Variants in CALCOCO1 observed in about 807,000 individuals in gnomAD.
CALCOCO1 encodes calcium-binding and coiled-coil domain-containing protein 1.
In CALCOCO1, 44 loss-of-function variants were observed where a neutral mutation model predicts 86.3. That is an observed-to-expected ratio of 0.51 (90% CI 0.40 to 0.66). CALCOCO1 has a LOEUF of 0.66. Ranked by LOEUF, CALCOCO1 falls within the 30% of genes least tolerant of loss-of-function variation. The pLI, the probability that CALCOCO1 is intolerant of heterozygous loss-of-function variation, is 0.00. For missense variants in CALCOCO1, 708 were observed against 851.1 expected (o/e 0.83, Z 2.09); for synonymous variants, 297 against 327.6 (o/e 0.91, Z 1.01).
rs1945778401 is a variant in CALCOCO1 at position 53,718,190 on chromosome 12, C to G, written c.849+1549G>C. Among the ~76,000 whole-genome samples, 2 of 151,894 alleles carry G rather than the reference C, an allele frequency of 1.3e-5. 1 individual carries two copies. The highest frequency in any genetic ancestry group is 4.1e-4 in the South Asian group (2 of 4,824). ...AGAGTAAACTGAGTTGCAAGGTGGACAGTTTAAAAATTGTTATTTGCACCT... is the reference window on the plus strand; with the variant it reads ...AGAGTAAACTGAGTTGCAAGGTGGAGAGTTTAAAAATTGTTATTTGCACCT... On this transcript the variant is annotated intron_variant, in intron 7 of 14. Coordinates refer to ENST00000550804, the MANE Select transcript of CALCOCO1 (RefSeq NM_020898.3).
At chr12:53,721,857 T>A in intron 5 of CALCOCO1, 168 bp downstream of exon 5, 1 of 838,308 alleles carries the variant, frequency 1.2e-6, no homozygotes, top group Non-Finnish European at 1.9e-6. Flanking sequence ...AACATGTCTC[T>A]TGTCACATCA....
At chr12:53,712,835 C>A in intron 14 of CALCOCO1, 1 of 1,436,504 alleles carries the variant, frequency 7.0e-7, no homozygotes, top group African/African-American at 1.4e-5. Context: ...TTGGGCTCTG[C>A]AGAAGATGGT....
intron 8 of CALCOCO1, 43 bp from the exon 9 acceptor site, chr12:53,716,090 T>C: frequency 6.2e-7 from 1 of 1,605,704 alleles, no homozygotes; most frequent in Non-Finnish European, 8.5e-7. Context: ...TCCTAGTGAA[T>C]CATTCATCAG....
At position 53,724,580 on chromosome 12, in the gene CALCOCO1, A is replaced by G. The variant is rs1340277849; in HGVS notation, c.259+65T>C. ...CCTAACTTTTAATGTTTCTGAGCCC[A>G]CTACCTTCTTTCAAACCTCCACTCC... On this transcript the variant is annotated intron_variant, in intron 3 of 14. Transcript: ENST00000550804. The G allele has an allele frequency of 3.3e-6, 4 of 1,201,650 alleles. No homozygotes were observed. The South Asian group carries it at 5.0e-5, about 15-fold the overall frequency. 74.4% of individuals were successfully genotyped at this position (1,201,650 alleles called of 1,614,324 possible). A position where few individuals can be genotyped will look rare whatever the true frequency, so the allele number is the denominator to read the frequency against.
chr12:53,712,656 G>T, intron 14 of CALCOCO1: 1 of 457,752 alleles, frequency 2.2e-6, no homozygotes, highest in Non-Finnish European at 3.4e-6. Context: ...GGAAGTCAGG[G>T]AAGAGGGAAA....
At chr12:53,714,058 AG>A (rs1236948550) in intron 12 of CALCOCO1, 74 bp downstream of exon 12, 12 of 1,389,578 alleles carry the variant, frequency 8.6e-6, no homozygotes, top group Non-Finnish European at 1.2e-5. Flanking sequence ...GCTCCCAGCA[AG>A]GTTACATGGA....
intron 6 of CALCOCO1, 138 bp downstream of exon 6, chr12:53,721,329 T>C (rs1945860017): frequency 1.4e-6 from 1 of 736,182 alleles, no homozygotes; most frequent in South Asian, 2.0e-5. Flanking sequence ...GTATCCCCAG[T>C]AACTAGCTTG....
Position 53,715,991 on chromosome 12 carries a change from T to C in CALCOCO1, c.1062A>G (p.Ser354=). 5 of 1,614,064 alleles carry C rather than the reference T, an allele frequency of 3.1e-6. No individual in the cohort carries two copies. The highest frequency in any genetic ancestry group is 4.2e-6 in the Non-Finnish European group (5 of 1,180,026). Residue 354 remains serine (S), a synonymous_variant, in exon 9 of 15, where the codon TCA becomes TCG. Transcript: ENST00000550804. ...CAAGAAGGGTGGCTTTCTGCTGGCT[T>C]GAGGCTGCAAGCTCCTGGGCCCCTC... The part of the protein sequence containing the change: ...QLRGAQELAA[S]SQQKATLLGE...
At chr12:53,715,592 G>A in intron 9 of CALCOCO1, 1 of 769,902 alleles carries the variant, frequency 1.3e-6, no homozygotes, top group Non-Finnish European at 2.0e-6. Context: ...GTACTCTGGT[G>A]ATCAGGATTG....
At position 53,711,930 on chromosome 12, in the gene CALCOCO1, A is replaced by C. The variant is rs764545881; in HGVS notation, c.*14T>G. ...TGCATGAGTGTGTATTTGTGCATGT[A>C]CGAGGGAGTAAGATCACTCAAAGGT... On this transcript the variant is annotated 3_prime_UTR_variant, in exon 15 of 15. Coordinates refer to ENST00000550804, the MANE Select transcript of CALCOCO1 (RefSeq NM_020898.3). 7 of 1,544,860 alleles carry C rather than the reference A, an allele frequency of 4.5e-6. No individual in the cohort carries two copies. The highest frequency in any genetic ancestry group is 5.2e-6 in the Non-Finnish European group (6 of 1,146,406).
Position 53,711,065 on chromosome 12 carries a change from C to A in CALCOCO1, c.*879G>T, listed in dbSNP as rs780659966. ...AGGGTCTAAGAGCTGGAGGTCTGGGCCCTGTGTTCCAGTCACACCTCATGA... is the reference window on the plus strand; with the variant it reads ...AGGGTCTAAGAGCTGGAGGTCTGGGACCTGTGTTCCAGTCACACCTCATGA... On this transcript the variant is annotated 3_prime_UTR_variant, in exon 15 of 15. Transcript: ENST00000550804. The A allele has an allele frequency of 7.9e-6, 3 of 379,300 alleles. No individual in the cohort carries two copies. The highest frequency in any genetic ancestry group is 1.4e-5 in the Non-Finnish European group (3 of 214,038). 23.5% of individuals were successfully genotyped at this position (379,300 alleles called of 1,614,324 possible).
At chr12:53,717,862 A>G (rs1176182644) in intron 7 of CALCOCO1, among the ~76,000 whole-genome samples, 1 of 152,124 alleles carries the variant, frequency 6.6e-6, no homozygotes, top group Non-Finnish European at 1.5e-5. Context: ...CATCTCTACT[A>G]AAAATACAAA....
chr12:53,722,775 T>C, intron 4 of CALCOCO1: 1 of 322,632 alleles, frequency 3.1e-6, no homozygotes, highest in Non-Finnish European at 6.1e-6. Context: ...GCTTCTTAAC[T>C]TCTCTAAGTC....
intron 5 of CALCOCO1, 142 bp from the exon 6 acceptor site, chr12:53,721,757 A>G: frequency 9.3e-7 from 1 of 1,075,034 alleles, no homozygotes; most frequent in Non-Finnish European, 1.4e-6. Context: ...AGAAACTGTA[A>G]GGGAACATTC....
intron 14 of CALCOCO1, chr12:53,712,597 T>C (rs917078008): frequency 2.0e-5 from 5 of 251,200 alleles, no homozygotes; most frequent in Non-Finnish European, 3.9e-5. Flanking sequence ...GACAATCTGA[T>C]ACCTGAAACC....
rs1945942820 is a variant in CALCOCO1, at chr12:53,723,769, T to G, written c.274A>C (p.Lys92Gln). The change falls in exon 4 of 15, where the codon AAA becomes CAA. Residue 92 changes from lysine to glutamine, a missense_variant. Coordinates refer to ENST00000550804, the MANE Select transcript of CALCOCO1 (RefSeq NM_020898.3). ...AACTGGTAGAGCTGAGCTCCTGGTT[T>G]GGGCAGGTAGCTGGCTGTGGGAAGA... ...SVQFQASYLP[K>Q]PGAQLYQFRY... 1 of 1,612,926 alleles carries G rather than the reference T, an allele frequency of 6.2e-7. No homozygotes were observed. Among genetic ancestry groups the G allele is most frequent in the African/African-American group, 1.3e-5 (1 of 75,006 alleles).
Position 53,721,490 on chromosome 12 carries a change from C to T in CALCOCO1, c.735G>A (p.Leu245=), listed in dbSNP as rs1184415954. The part of the protein sequence containing the change: ...DDIQTISEKV[L]TKEVELDRLR... ...ACCTGTCCAGCTCCACTTCCTTCGT[C>T]AGCACTTTCTCACTGATGGTCTGGA... The change falls in exon 6 of 15, where the codon CTG becomes CTA. Residue 245 remains leucine, a synonymous_variant. Transcript: ENST00000550804. The T allele has an allele frequency of 3.1e-6, 5 of 1,611,300 alleles. No homozygotes were observed. The South Asian group carries it at 4.4e-5, about 14-fold the overall frequency.
At position 53,715,846 on chromosome 12, in the gene CALCOCO1, C is replaced by A. The variant is rs1374167292; in HGVS notation, c.1207G>T (p.Glu403Ter). ...RLAELGLHLK[E>*]EKCQWSKERA... is the part of the protein sequence containing the mutation. Reference sequence around the variant, plus strand: ...TCCTTGCTCCATTGGCATTTTTCTTCCTTCAAGTGCAAACCGAGCTCAGCC... The same window carrying A: ...TCCTTGCTCCATTGGCATTTTTCTTACTTCAAGTGCAAACCGAGCTCAGCC... Residue 403 changes from glutamate (E) to a stop codon, truncating the protein, a stop_gained, in exon 9 of 15, where the codon GAA becomes TAA. Coordinates refer to ENST00000550804, the MANE Select transcript of CALCOCO1 (RefSeq NM_020898.3). LOFTEE classifies it high-confidence loss of function. 6.2e-7 allele frequency: 1 copy of A among 1,614,120 alleles called. No individual in the cohort carries two copies.
intron 7 of CALCOCO1, among the ~76,000 whole-genome samples, chr12:53,719,331 G>A (rs1430653620): frequency 6.6e-6 from 1 of 151,026 alleles, no homozygotes; most frequent in African/African-American, 2.4e-5. Flanking sequence ...TTCGAGACCA[G>A]CCTGCCCAAC....
Sources: allele counts gnomAD v4.1 joint callset (sites outside exome capture counted in the v4.1 genomes callset), GRCh38; gene constraint gnomAD v4.1.1; transcripts MANE v1.5; gene names NCBI Gene and HGNC (gene_info 2026-07-23, HGNC 2026-07-21).